PHF24: variants seen among roughly 807,000 people sequenced by gnomAD.
The protein encoded by PHF24 is PHD finger protein 24.
In PHF24, 25 loss-of-function variants were observed where a neutral mutation model predicts 42.6. The ratio of observed to expected loss-of-function variants is 0.59; its 90% CI spans 0.43 to 0.82. The LOEUF (loss-of-function observed/expected upper bound fraction) is 0.82. Ranked by LOEUF, PHF24 falls within the 40% of genes least tolerant of loss-of-function variation. The pLI, the probability that PHF24 is intolerant of heterozygous loss-of-function variation, is 0.00. For missense variants in PHF24, 470 were observed against 538.1 expected, an observed-to-expected ratio of 0.87 and a Z score of 1.25; for synonymous variants, 185 against 204.8, an observed-to-expected ratio of 0.90 and a Z score of 0.83.
chr9:34,869,120 T>A, the PHF24 span, among the ~76,000 whole-genome samples: 1 of 152,244 alleles, frequency 6.6e-6, no homozygotes, highest in African/African-American at 2.4e-5. Flanking sequence ...TTCCATGGTA[T>A]GTATGTGCAC....
chr9:34,715,173 G>C, the PHF24 span, among the ~76,000 whole-genome samples: 1 of 152,180 alleles, frequency 6.6e-6, no homozygotes, highest in Admixed American at 6.5e-5. Flanking sequence ...AAAATCCAGC[G>C]CAGAAAACAG....
chr9:34,707,328 G>A, the PHF24 span, among the ~76,000 whole-genome samples: 1 of 152,208 alleles, frequency 6.6e-6, no homozygotes, highest in East Asian at 1.9e-4. Context: ...GATGGTGTAG[G>A]AGGCAGGTAG....
chr9:34,954,589 T>G (rs1003343867), upstream of PHF24, among the ~76,000 whole-genome samples: 2 of 152,186 alleles, frequency 1.3e-5, no homozygotes. Flanking sequence ...GCATTCTGAT[T>G]TCCCCCCACA....
chr9:34,774,970 T>G, the PHF24 span, among the ~76,000 whole-genome samples: 14 of 152,128 alleles, frequency 9.2e-5, no homozygotes, highest in Non-Finnish European at 1.6e-4. Flanking sequence ...AAATGTAAAA[T>G]GTTACAGTTG....
Position 34,966,050 on chromosome 9 carries a change from G to T in PHF24, c.-4-5245G>T, listed in dbSNP as rs1020844659. On this transcript the variant is annotated intron_variant, in intron 1 of 7. Transcript: ENST00000242315. ...ACTATTTGGAGAGTTAGTACCTTCC[G>T]TATAGCCCTAAGAACAAAGAAGATA... Among the ~76,000 whole-genome samples, 6 of 152,124 alleles carry T rather than the reference G, an allele frequency of 3.9e-5. No individual in the cohort carries two copies. The East Asian group carries it at 9.6e-4, about 24-fold the overall frequency.
the PHF24 span, among the ~76,000 whole-genome samples, chr9:34,777,149 G>C: frequency 1.3e-5 from 2 of 152,170 alleles, no homozygotes; most frequent in African/African-American, 4.8e-5. Context: ...GGTGGTATAT[G>C]CTTGTACTGG....
rs200866130 is a variant in PHF24 at position 34,969,280 on chromosome 9, TTTAA to T, written c.-4-2011_-4-2008del. Among the ~76,000 whole-genome samples the T allele has an allele frequency of 7.2e-3, 1,101 of 152,266 alleles. 11 individuals are homozygous for T. Among genetic ancestry groups the T allele is most frequent in the African/African-American group, 0.023 (972 of 41,544 alleles). ...TTAATTCAACATATACAAAATCCAATTTAATTATCCCTCTTATTTCCAATTTCTG... is the reference window on the plus strand; with the variant it reads ...TTAATTCAACATATACAAAATCCAATTTATCCCTCTTATTTCCAATTTCTG... On this transcript the variant is annotated intron_variant, in intron 1 of 7. Transcript: ENST00000242315.
chr9:34,765,197 CT>C, the PHF24 span, among the ~76,000 whole-genome samples: 1 of 152,068 alleles, frequency 6.6e-6, no homozygotes, highest in Middle Eastern at 3.2e-3. Flanking sequence ...GTGGAGAGTT[CT>C]GTAGATGTCT....
the PHF24 span, among the ~76,000 whole-genome samples, chr9:34,895,947 T>A: frequency 1.6e-4 from 24 of 152,196 alleles, no homozygotes; most frequent in African/African-American, 5.5e-4. Flanking sequence ...TGAGGGTGTC[T>A]GGTGCTCTGT....
At chr9:34,893,921 C>G in the PHF24 span, among the ~76,000 whole-genome samples, 1 of 152,176 alleles carries the variant, frequency 6.6e-6, no homozygotes, top group African/African-American at 2.4e-5. Flanking sequence ...TATTTGGTAT[C>G]CCTGCTGATA....
the PHF24 span, among the ~76,000 whole-genome samples, chr9:34,930,726 A>G: frequency 6.6e-6 from 1 of 152,220 alleles, no homozygotes. Flanking sequence ...GGATGTGGAG[A>G]GGAACTAGCC....
the PHF24 span, among the ~76,000 whole-genome samples, chr9:34,824,552 G>A: frequency 1.4e-5 from 2 of 145,142 alleles, no homozygotes; most frequent in East Asian, 1.9e-4. Flanking sequence ...AACTAGGTTT[G>A]TGGTTCCTGT....
the PHF24 span, among the ~76,000 whole-genome samples, chr9:34,879,844 A>G: frequency 6.6e-6 from 1 of 152,316 alleles, no homozygotes; most frequent in South Asian, 2.1e-4. Context: ...CAGGAAATAC[A>G]GAGAACGCCA....
chr9:34,864,593 A>C, the PHF24 span, among the ~76,000 whole-genome samples: 1 of 152,318 alleles, frequency 6.6e-6, no homozygotes, highest in African/African-American at 2.4e-5. Flanking sequence ...TCCCAGACAA[A>C]TAAAAGCTGA....
At chr9:34,850,666 A>G in the PHF24 span, among the ~76,000 whole-genome samples, 2 of 152,102 alleles carry the variant, frequency 1.3e-5, no homozygotes, top group African/African-American at 4.8e-5. Context: ...CCTTTGGAGG[A>G]GAGGTGCTCT....
chr9:34,884,947 G>A, the PHF24 span, among the ~76,000 whole-genome samples: 1 of 152,336 alleles, frequency 6.6e-6, no homozygotes, highest in Non-Finnish European at 1.5e-5. Flanking sequence ...GTAGGAGCCT[G>A]TGGGGGACCA....
the PHF24 span, among the ~76,000 whole-genome samples, chr9:34,762,567 G>C: frequency 6.9e-6 from 1 of 145,478 alleles, no homozygotes; most frequent in Admixed American, 7.0e-5. Context: ...TTGTAAATTT[G>C]TTTGAGTTCA....
At chr9:34,668,337 G>A in the PHF24 span, among the ~76,000 whole-genome samples, 3 of 152,172 alleles carry the variant, frequency 2.0e-5, no homozygotes, top group Non-Finnish European at 1.5e-5. Context: ...TCCAGGCACT[G>A]ATACATACAG....
chr9:34,947,513 A>G, the PHF24 span, among the ~76,000 whole-genome samples: 1 of 152,308 alleles, frequency 6.6e-6, no homozygotes, highest in South Asian at 2.1e-4. Flanking sequence ...ATAAATGCTG[A>G]CATACTTTTT....
Sources: gnomAD v4.1 joint callset for allele counts (sites outside exome capture counted in the v4.1 genomes callset) on GRCh38, gnomAD v4.1.1 for gene constraint, MANE v1.5 for transcripts, NCBI Gene and HGNC (gene_info 2026-07-23, HGNC 2026-07-21) for gene names.